PREX2: variants seen among roughly 807,000 people sequenced by gnomAD.
The protein encoded by PREX2 is phosphatidylinositol 3,4,5-trisphosphate-dependent Rac exchanger 2 protein.
In PREX2, 107 loss-of-function variants were observed where a neutral mutation model predicts 203.2. That is an observed-to-expected ratio of 0.53 (90% CI 0.45 to 0.62). The LOEUF (loss-of-function observed/expected upper bound fraction) is 0.62. Ranked by LOEUF, PREX2 falls within the 20% of genes least tolerant of loss-of-function variation. The pLI is 0.00. For missense variants in PREX2, 1,777 were observed against 1,955.9 expected, an observed-to-expected ratio of 0.91 and a Z score of 1.72; for synonymous variants, 672 against 663.6, an observed-to-expected ratio of 1.01 and a Z score of -0.19.
Position 68,060,791 on chromosome 8 carries a change from A to G in PREX2, c.1339+12A>G. The G allele has an allele frequency of 6.7e-7, 1 of 1,502,304 alleles. No homozygotes were observed. Among genetic ancestry groups the G allele is most frequent in the Non-Finnish European group, 9.2e-7 (1 of 1,087,516 alleles). 93.1% of individuals were successfully genotyped at this position (1,502,304 alleles called of 1,614,324 possible). ...AATCATTCACCATGGTAATTACTTT[A>G]TTATTAATTACTTATTTAATGCATT... On this transcript the variant is annotated intron_variant, in intron 11 of 39. Coordinates refer to ENST00000288368, the MANE Select transcript of PREX2 (RefSeq NM_024870.4).
At chr8:68,058,850 G>A (rs139301497) in intron 10 of PREX2, among the ~76,000 whole-genome samples, 1,612 of 152,222 alleles carry the variant, frequency 0.011, 14 homozygotes, top group African/African-American at 0.031. Context: ...TTGAGTCCCC[G>A]TTGTCTTATG....
Position 68,134,258 on chromosome 8 carries a change from A to G in PREX2, c.3966A>G (p.Ser1322=), listed in dbSNP as rs143552673. The G allele has an allele frequency of 1.8e-4, 292 of 1,613,972 alleles. 6 individuals are homozygous for G. The Admixed American group carries it at 3.6e-3, about 20-fold the overall frequency. The part of the protein sequence containing the change: ...ANAGVLFHFQ[S]LLSPNLTDEQ... ...CAGGTGTTCTTTTTCACTTTCAGTC[A>G]CTTCTGTCACCAAACTTGGTAAGGA... Residue 1322 remains serine (S), a synonymous_variant, in exon 32 of 40, where the codon TCA becomes TCG. Coordinates refer to ENST00000288368, the MANE Select transcript of PREX2 (RefSeq NM_024870.4).
intron 1 of PREX2, among the ~76,000 whole-genome samples, chr8:68,005,652 C>G (rs1807074497): frequency 6.6e-6 from 1 of 152,246 alleles, no homozygotes; most frequent in Non-Finnish European, 1.5e-5. Flanking sequence ...ATCGTACTCT[C>G]ACTTCCTTAA....
In PREX2 at chr8:67,975,996, G is replaced by A. The variant is rs961175943; in HGVS notation, c.141+23461G>A. On this transcript the variant is annotated intron_variant, in intron 1 of 39. Coordinates refer to ENST00000288368, the MANE Select transcript of PREX2 (RefSeq NM_024870.4). ...CTCCCAAAGTGCTGGGATTACAGGCGTGAGTCACTATGCCTGGCCAGGATA... is the reference window on the plus strand; with the variant it reads ...CTCCCAAAGTGCTGGGATTACAGGCATGAGTCACTATGCCTGGCCAGGATA... 4.0e-5 allele frequency among the ~76,000 whole-genome samples: 6 copies of A among 151,740 alleles called. No homozygotes were observed. The East Asian group carries it at 7.8e-4, about 20-fold the overall frequency.
chr8:68,015,297 C>T (rs1198417311), intron 1 of PREX2, among the ~76,000 whole-genome samples: 7 of 152,150 alleles, frequency 4.6e-5, no homozygotes, highest in Non-Finnish European at 1.0e-4. Context: ...GCGTTCTCAG[C>T]AAACATCTAA....
At chr8:68,052,472 AT>A (rs1293481324) in intron 8 of PREX2, among the ~76,000 whole-genome samples, 2 of 152,176 alleles carry the variant, frequency 1.3e-5, no homozygotes. Flanking sequence ...ATCTTCAAAA[AT>A]TTTTTTATAA....
chr8:67,988,079 AT>A (rs1305290511), intron 1 of PREX2, among the ~76,000 whole-genome samples: 1 of 152,190 alleles, frequency 6.6e-6, no homozygotes, highest in Non-Finnish European at 1.5e-5. Flanking sequence ...ACCATAGAAA[AT>A]ATCTGAACAC....
At chr8:67,984,660 C>A (rs1214161063) in intron 1 of PREX2, among the ~76,000 whole-genome samples, 1 of 152,172 alleles carries the variant, frequency 6.6e-6, no homozygotes, top group Non-Finnish European at 1.5e-5. Context: ...TTACTGTTAG[C>A]CTGGAAGACT....
intron 19 of PREX2, among the ~76,000 whole-genome samples, 195 bp downstream of exon 19, chr8:68,088,004 TA>T (rs1809752912): frequency 6.6e-6 from 1 of 152,196 alleles, no homozygotes; most frequent in Non-Finnish European, 1.5e-5. Context: ...TTATCATTGT[TA>T]AAAAATTGAT....
chr8:68,015,671 A>G (rs1474912288), intron 1 of PREX2, among the ~76,000 whole-genome samples: 1 of 152,228 alleles, frequency 6.6e-6, no homozygotes, highest in Non-Finnish European at 1.5e-5. Context: ...AAACTATGTA[A>G]ACTAGGCAAA....
intron 20 of PREX2, among the ~76,000 whole-genome samples, chr8:68,092,300 CA>C (rs1809900696): frequency 6.6e-6 from 1 of 152,050 alleles, no homozygotes; most frequent in Admixed American, 6.5e-5. Context: ...TTGGTGGCCA[CA>C]ACAGGGCACC....
At chr8:68,025,495 A>G (rs1474919509) in intron 4 of PREX2, among the ~76,000 whole-genome samples, 1 of 152,024 alleles carries the variant, frequency 6.6e-6, no homozygotes, top group Admixed American at 6.6e-5. Context: ...GGATGATTGT[A>G]CATTTCTTAT....
chr8:68,035,961 T>C (rs560115201), intron 6 of PREX2, among the ~76,000 whole-genome samples: 7 of 152,258 alleles, frequency 4.6e-5, no homozygotes, highest in African/African-American at 7.2e-5. Context: ...CTTGTCCTTG[T>C]TTACTAAAAA....
intron 34 of PREX2, among the ~76,000 whole-genome samples, chr8:68,154,518 A>G (rs1202965757): frequency 6.6e-6 from 1 of 152,198 alleles, no homozygotes; most frequent in Non-Finnish European, 1.5e-5. Context: ...TTGAAGTATG[A>G]CTATTGACAG....
At chr8:68,001,574 C>T (rs1300222985) in intron 1 of PREX2, among the ~76,000 whole-genome samples, 2 of 152,126 alleles carry the variant, frequency 1.3e-5, no homozygotes, top group African/African-American at 4.8e-5. Flanking sequence ...CATTGTTCAA[C>T]CCAGCAATCT....
intron 13 of PREX2, among the ~76,000 whole-genome samples, chr8:68,071,424 G>T (rs941213756): frequency 6.6e-6 from 1 of 152,176 alleles, no homozygotes; most frequent in South Asian, 2.1e-4. Flanking sequence ...GATGAAATGG[G>T]TGATGAGGTG....
In PREX2 at chr8:68,086,424, G is replaced by C. The variant is rs183787190; in HGVS notation, c.2028-1300G>C. Among the ~76,000 whole-genome samples the C allele has an allele frequency of 3.9e-4, 59 of 152,244 alleles. No homozygotes were observed. In the East Asian group the frequency reaches 0.011, roughly 28 times the overall value. ...ATAAGTCCTGCTGTATCTACCTTCA[G>C]ACTCTGTTTAATATGCCCTTGAAGT... On this transcript the variant is annotated intron_variant, in intron 18 of 39. Transcript: ENST00000288368.
chr8:68,068,521 T>C (rs1809087531), intron 11 of PREX2, among the ~76,000 whole-genome samples: 1 of 152,022 alleles, frequency 6.6e-6, no homozygotes, highest in Non-Finnish European at 1.5e-5. Flanking sequence ...GGATAAGTGG[T>C]CAAGATTGGT....
intron 6 of PREX2, among the ~76,000 whole-genome samples, chr8:68,032,243 T>C (rs1807907934): frequency 6.6e-6 from 1 of 152,118 alleles, no homozygotes; most frequent in Non-Finnish European, 1.5e-5. Context: ...CTGTTGTGTA[T>C]TCAGAGAAAT....
Sources: allele counts gnomAD v4.1 joint callset (sites outside exome capture counted in the v4.1 genomes callset), GRCh38; gene constraint gnomAD v4.1.1; transcripts MANE v1.5; gene names NCBI Gene and HGNC (gene_info 2026-07-23, HGNC 2026-07-21).